MNAT1: variants seen among roughly 807,000 people sequenced by gnomAD.
MNAT1 encodes the protein MNAT1 component of CDK activating kinase.
In MNAT1, 43 loss-of-function variants were observed where a neutral mutation model predicts 42.0. The ratio of observed to expected loss-of-function variants is 1.02; its 90% CI spans 0.80 to 1.32. The LOEUF (loss-of-function observed/expected upper bound fraction) is 1.32. Among genes scored for constraint, MNAT1 ranks in the 40% most tolerant of loss-of-function variants. The probability of loss-of-function intolerance (pLI) is 0.00; values close to 1 mark genes in which losing one functional copy is unlikely to be tolerated. For synonymous variants in MNAT1, 118 were observed against 120.0 expected, an observed-to-expected ratio of 0.98 and a Z score of 0.11; for missense variants, 306 against 350.4, an observed-to-expected ratio of 0.87 and a Z score of 1.01.
chr14:60,744,529 T>C (rs1896559654), intron 1 of MNAT1, among the ~76,000 whole-genome samples: 2 of 152,196 alleles, frequency 1.3e-5, no homozygotes, highest in Admixed American at 1.3e-4. Flanking sequence ...TAATTGTAGG[T>C]GGTATATTAT....
rs375556143 is a variant in MNAT1, at chr14:60,758,216, T to C, written c.89+23265T>C. On this transcript the variant is annotated intron_variant, in intron 1 of 7. Transcript: ENST00000261245. ...ATCTCTACTTGGACTTTTTTTTTTTTTTCTTTTTGAGGTAGGGTTTTGCTT... is the reference window on the plus strand; with the variant it reads ...ATCTCTACTTGGACTTTTTTTTTTTCTTCTTTTTGAGGTAGGGTTTTGCTT... 4.6e-5 allele frequency among the ~76,000 whole-genome samples: 7 copies of C among 151,982 alleles called. No individual in the cohort carries two copies. In the South Asian group the frequency reaches 1.3e-3, roughly 27 times the overall value.
At chr14:60,867,286 C>CT (rs979012833) in intron 6 of MNAT1, among the ~76,000 whole-genome samples, 1 of 151,970 alleles carries the variant, frequency 6.6e-6, no homozygotes, top group Non-Finnish European at 1.5e-5. Context: ...GATGAAACCT[C>CT]TTTTTTTATT....
Position 60,818,754 on chromosome 14 carries a change from G to A in MNAT1, c.594G>A (p.Leu198=). The A allele has an allele frequency of 6.2e-7, 1 of 1,611,190 alleles. No individual in the cohort carries two copies. Among genetic ancestry groups the A allele is most frequent in the Non-Finnish European group, 8.5e-7 (1 of 1,178,100 alleles). ...ESSDLPVALL[L]AQHKDRSTQL... Reference sequence around the variant, plus strand: ...CTGATCTCCCTGTTGCTCTGCTTTTGGCTCAGCATAAAGATAGATCTACCC... The same window carrying A: ...CTGATCTCCCTGTTGCTCTGCTTTTAGCTCAGCATAAAGATAGATCTACCC... Residue 198 remains leucine, a synonymous_variant, in exon 6 of 8, where the codon TTG becomes TTA. Transcript: ENST00000261245.
chr14:60,865,905 A>C (rs924834654), intron 6 of MNAT1, among the ~76,000 whole-genome samples: 3 of 152,010 alleles, frequency 2.0e-5, no homozygotes, highest in African/African-American at 7.2e-5. Flanking sequence ...CTGGGTATTG[A>C]AATTCCGTTC....
intron 7 of MNAT1, among the ~76,000 whole-genome samples, chr14:60,913,495 A>G (rs2035435688): frequency 6.6e-6 from 1 of 151,814 alleles, no homozygotes; most frequent in South Asian, 2.1e-4. Flanking sequence ...TGGCGTCCAG[A>G]TGGGTTTTTG....
intron 7 of MNAT1, among the ~76,000 whole-genome samples, chr14:60,953,522 T>G (rs2036422425): frequency 1.3e-5 from 2 of 152,298 alleles, no homozygotes; most frequent in African/African-American, 4.8e-5. Flanking sequence ...GGAAGATCTA[T>G]CTTTTGTGAA....
intron 6 of MNAT1, among the ~76,000 whole-genome samples, chr14:60,843,521 C>G (rs970823954): frequency 1.3e-5 from 2 of 152,110 alleles, no homozygotes; most frequent in Non-Finnish European, 2.9e-5. Flanking sequence ...CCGCCTGTCT[C>G]GGCCTCCCAA....
intron 7 of MNAT1, among the ~76,000 whole-genome samples, chr14:60,893,306 ACTT>A (rs1260969143): frequency 2.0e-5 from 3 of 151,948 alleles, no homozygotes; most frequent in African/African-American, 7.2e-5. Flanking sequence ...AATGATTTTC[ACTT>A]CTTAAATTCC....
chr14:60,969,338 A>G lies in MNAT1; in HGVS notation c.*989A>G, dbSNP rs1476996505. 6.6e-6 allele frequency: 1 copy of G among 152,154 alleles called. No individual in the cohort carries two copies. The highest frequency in any genetic ancestry group is 1.9e-4 in the East Asian group (1 of 5,192). The allele number at this position is 152,154 out of a possible 1,614,324, so 9.4% of individuals were successfully genotyped here. On this transcript the variant is annotated 3_prime_UTR_variant, in exon 8 of 8. Transcript: ENST00000261245. ...AGGAAATTAAGGGATTTCCTATCAA[A>G]TCTCTATTACAACAGATGTTAGTTT...
intron 1 of MNAT1, among the ~76,000 whole-genome samples, chr14:60,789,714 A>G (rs1372529924): frequency 6.6e-6 from 1 of 152,132 alleles, no homozygotes; most frequent in Non-Finnish European, 1.5e-5. Flanking sequence ...GCACTATCAC[A>G]TGCACACCCT....
At chr14:60,923,207 T>G (rs755685646) in intron 7 of MNAT1, among the ~76,000 whole-genome samples, 2 of 152,162 alleles carry the variant, frequency 1.3e-5, no homozygotes, top group Non-Finnish European at 2.9e-5. Context: ...CAGAATCACC[T>G]AGAGGGTTTT....
chr14:60,818,827 T>G lies in MNAT1; in HGVS notation c.667T>G (p.Phe223Val). 1 of 1,612,570 alleles carries G rather than the reference T, an allele frequency of 6.2e-7. No homozygotes were observed. The change falls in exon 6 of 8, where the codon TTT becomes GTT. Residue 223 changes from phenylalanine (F) to valine (V), a missense_variant. Around this residue, in one of 3 missense-constraint regions of MNAT1, gnomAD observed 116 missense variants for 139.6 expected, o/e 0.83. Coordinates refer to ENST00000261245, the MANE Select transcript of MNAT1 (RefSeq NM_002431.4). ...ACCCAAACCTGTAAAACCAGTGACG[T>G]TTTCCACAGGCATCAAAATGGTAAG... ...EKPKPVKPVT[F>V]STGIKMGQHI...
At chr14:60,926,757 A>G (rs1445839388) in intron 7 of MNAT1, among the ~76,000 whole-genome samples, 1 of 152,094 alleles carries the variant, frequency 6.6e-6, no homozygotes, top group African/African-American at 2.4e-5. Context: ...TGTTGATTAT[A>G]TCATTGGCCA....
intron 4 of MNAT1, among the ~76,000 whole-genome samples, chr14:60,810,616 A>G (rs2032511511): frequency 6.6e-6 from 1 of 152,064 alleles, no homozygotes; most frequent in Non-Finnish European, 1.5e-5. Flanking sequence ...ATTTGAGTGT[A>G]TTGTTTAATT....
intron 1 of MNAT1, among the ~76,000 whole-genome samples, chr14:60,736,098 T>G (rs1310716288): frequency 1.3e-5 from 2 of 152,226 alleles, no homozygotes; most frequent in Non-Finnish European, 2.9e-5. Flanking sequence ...TGCTTTACTC[T>G]GCAAAGAAGT....
At chr14:60,830,819 A>G (rs894683398) in intron 6 of MNAT1, among the ~76,000 whole-genome samples, 1 of 150,316 alleles carries the variant, frequency 6.7e-6, no homozygotes, top group African/African-American at 2.4e-5. Flanking sequence ...TTTAAATCAC[A>G]GATTGTTTAT....
chr14:60,957,488 A>T (rs138658612), intron 7 of MNAT1, among the ~76,000 whole-genome samples: 1 of 152,192 alleles, frequency 6.6e-6, no homozygotes, highest in South Asian at 2.1e-4. Flanking sequence ...CTTACTCACT[A>T]TCATGAGAAC....
rs138164473 is a variant in MNAT1 at position 60,813,175 on chromosome 14, C to T, written c.561+1048C>T. On this transcript the variant is annotated intron_variant, in intron 5 of 7. Transcript: ENST00000261245. ...ATGCCTGGTCTGGCTGTGGGCCCCACGTAGAGTTTGCTTCTGTGTCCGTGC... is the reference window on the plus strand; with the variant it reads ...ATGCCTGGTCTGGCTGTGGGCCCCATGTAGAGTTTGCTTCTGTGTCCGTGC... 3.1e-3 allele frequency among the ~76,000 whole-genome samples: 472 copies of T among 152,336 alleles called. 3 individuals are homozygous for T. The highest frequency in any genetic ancestry group is 0.011 in the South Asian group (52 of 4,832).
At chr14:60,849,723 T>A (rs2033773362) in intron 6 of MNAT1, among the ~76,000 whole-genome samples, 2 of 152,168 alleles carry the variant, frequency 1.3e-5, no homozygotes, top group Non-Finnish European at 2.9e-5. Flanking sequence ...CTATAATTCT[T>A]TTTCCATTGT....
Sources: allele counts gnomAD v4.1 joint callset (sites outside exome capture counted in the v4.1 genomes callset), GRCh38; gene constraint gnomAD v4.1.1; regional missense constraint gnomAD v4.1.1; transcripts MANE v1.5; gene names NCBI Gene and HGNC (gene_info 2026-07-23, HGNC 2026-07-21).